RBFOX1: variants seen among roughly 807,000 people sequenced by gnomAD.
The protein encoded by RBFOX1 is RNA binding fox-1 homolog 1.
In RBFOX1, 8 loss-of-function variants were observed where a neutral mutation model predicts 57.7. That is an observed-to-expected ratio of 0.14 (90% CI 0.08 to 0.25). The LOEUF (loss-of-function observed/expected upper bound fraction) is 0.25, where lower values mean the gene tolerates loss of function less well. RBFOX1 is among the 10% of genes least tolerant of loss of function. The probability of loss-of-function intolerance (pLI) is 1.00; values close to 1 mark genes in which losing one functional copy is unlikely to be tolerated. For missense variants in RBFOX1, 611 were observed against 548.5 expected, an observed-to-expected ratio of 1.11 and a Z score of -1.14; for synonymous variants, 326 against 222.4, an observed-to-expected ratio of 1.47 and a Z score of -4.15.
intron 4 of RBFOX1, among the ~76,000 whole-genome samples, chr16:7,198,728 G>A (rs1308196751): frequency 6.6e-6 from 1 of 152,170 alleles, no homozygotes; most frequent in African/African-American, 2.4e-5. Flanking sequence ...CAGCAGTAAT[G>A]ACTTTATTCG....
intron 2 of RBFOX1, among the ~76,000 whole-genome samples, chr16:6,565,001 T>C (rs2097239389): frequency 6.6e-6 from 1 of 151,718 alleles, no homozygotes; most frequent in African/African-American, 2.4e-5. Flanking sequence ...ATTAGCTGGA[T>C]GTGCTGGCAT....
At chr16:6,264,495 T>G (rs1429083656) in intron 1 of RBFOX1, among the ~76,000 whole-genome samples, 3 of 152,162 alleles carry the variant, frequency 2.0e-5, no homozygotes, top group African/African-American at 7.2e-5. Context: ...GTGATCAGAT[T>G]GCATCAGGCC....
intron 4 of RBFOX1, among the ~76,000 whole-genome samples, chr16:7,100,236 G>A (rs2062442492): frequency 6.6e-6 from 1 of 152,048 alleles, no homozygotes. Context: ...TGATATCAGT[G>A]TTGTGAAAAA....
At chr16:7,186,067 T>C (rs576262004) in intron 4 of RBFOX1, among the ~76,000 whole-genome samples, 4 of 152,236 alleles carry the variant, frequency 2.6e-5, no homozygotes, top group African/African-American at 4.8e-5. Flanking sequence ...AATGCTACTA[T>C]TTTGAAGGAT....
chr16:5,430,258 T>C (rs1454504987), intron 1 of RBFOX1, among the ~76,000 whole-genome samples: 1 of 151,846 alleles, frequency 6.6e-6, no homozygotes. Context: ...CAGCAGGTGG[T>C]GGGGCCTGAC....
Position 5,790,858 on chromosome 16 carries a change from T to C in RBFOX1, c.319-76445T>C, listed in dbSNP as rs1021260318. ...TTTGGGGATGTAGATGGTGGGTCTT[T>C]ATTTTTTTTTTTTTTGTTTTTTTTT... On this transcript the variant is annotated intron_variant, in intron 3 of 19. Coordinates refer to the RBFOX1 transcript ENST00000641259. Among the ~76,000 whole-genome samples the C allele has an allele frequency of 9.3e-5, 13 of 140,444 alleles. No homozygotes were observed. In the South Asian group the frequency reaches 2.8e-3, roughly 30 times the overall value. 92.1% of individuals were successfully genotyped at this position (140,444 alleles called of 152,430 possible).
intron 1 of RBFOX1, among the ~76,000 whole-genome samples, chr16:6,215,544 C>T (rs947654845): frequency 3.3e-5 from 5 of 151,994 alleles, no homozygotes; most frequent in African/African-American, 1.2e-4. Flanking sequence ...TGAACGCTCC[C>T]CCAAATCCCT....
chr16:6,247,332 C>G (rs556483726), intron 1 of RBFOX1, among the ~76,000 whole-genome samples: 2 of 152,268 alleles, frequency 1.3e-5, no homozygotes, highest in South Asian at 4.1e-4. Flanking sequence ...ATCACGTGGT[C>G]TCTTCTCTTG....
chr16:6,142,707 C>T (rs2096728222), intron 1 of RBFOX1, among the ~76,000 whole-genome samples: 1 of 152,210 alleles, frequency 6.6e-6, no homozygotes, highest in African/African-American at 2.4e-5. Flanking sequence ...CATTTACCTT[C>T]TCTAATCTCT....
chr16:6,014,222 T>G (rs761100431), upstream of RBFOX1, among the ~76,000 whole-genome samples: 1 of 149,566 alleles, frequency 6.7e-6, no homozygotes, highest in Admixed American at 6.8e-5. Context: ...GCTTGTTGCT[T>G]TTGTAGCTGT....
intron 4 of RBFOX1, among the ~76,000 whole-genome samples, chr16:7,205,685 C>G (rs939862538): frequency 6.6e-6 from 1 of 152,086 alleles, no homozygotes; most frequent in Non-Finnish European, 1.5e-5. Flanking sequence ...ATAACATTGA[C>G]GTAAACTTGG....
chr16:6,721,275 T>C (rs1603460065), intron 3 of RBFOX1, among the ~76,000 whole-genome samples: 1 of 152,160 alleles, frequency 6.6e-6, no homozygotes, highest in East Asian at 1.9e-4. Context: ...AAACCCTGTC[T>C]GTACTAAAAC....
intron 3 of RBFOX1, among the ~76,000 whole-genome samples, chr16:6,751,423 G>A (rs183273446): frequency 6.6e-6 from 1 of 152,128 alleles, no homozygotes; most frequent in Non-Finnish European, 1.5e-5. Flanking sequence ...AGGGTGGTCT[G>A]TATTCTTGGG....
At chr16:7,640,826 G>C (rs2062659179) in intron 11 of RBFOX1, among the ~76,000 whole-genome samples, 1 of 151,840 alleles carries the variant, frequency 6.6e-6, no homozygotes, top group Admixed American at 6.6e-5. Flanking sequence ...AATAGTTTGA[G>C]AGGCTTATTT....
intron 3 of RBFOX1, among the ~76,000 whole-genome samples, chr16:6,714,463 T>A (rs1448888679): frequency 3.3e-5 from 5 of 152,144 alleles, no homozygotes; most frequent in Admixed American, 3.3e-4. Flanking sequence ...CACTACGGGA[T>A]CCTTGGAACC....
At chr16:6,118,795 C>G (rs964080175) in intron 1 of RBFOX1, among the ~76,000 whole-genome samples, 2 of 147,160 alleles carry the variant, frequency 1.4e-5, no homozygotes. Context: ...CTTTCTCTCT[C>G]TCCTTCCTTC....
intron 3 of RBFOX1, among the ~76,000 whole-genome samples, chr16:5,760,101 A>T (rs1389763994): frequency 3.3e-5 from 5 of 151,820 alleles, no homozygotes. Context: ...CCTAATATTT[A>T]TTGAGTAGCT....
At chr16:6,558,133 T>G (rs930855261) in intron 2 of RBFOX1, among the ~76,000 whole-genome samples, 1 of 152,178 alleles carries the variant, frequency 6.6e-6, no homozygotes, top group Admixed American at 6.5e-5. Context: ...TATAAGTCTT[T>G]CAAAAAATAT....
chr16:5,333,931 C>T (rs187204309), intron 1 of RBFOX1, among the ~76,000 whole-genome samples: 1 of 152,264 alleles, frequency 6.6e-6, no homozygotes, highest in Admixed American at 6.5e-5. Flanking sequence ...ATGTCTGAAA[C>T]AGCATTATGC....
Sources: gnomAD v4.1 joint callset for allele counts (sites outside exome capture counted in the v4.1 genomes callset) on GRCh38, gnomAD v4.1.1 for gene constraint, MANE v1.5 for transcripts, NCBI Gene and HGNC (gene_info 2026-07-23, HGNC 2026-07-21) for gene names.